Variants in SUMF1 observed in about 807,000 individuals in gnomAD.
The protein encoded by SUMF1 is sulfatase modifying factor 1, also known as formylglycine-generating enzyme.
Under a neutral mutation model 47.6 loss-of-function variants are expected in SUMF1, and 48 were observed. The observed-to-expected ratio is 1.01, with a 90% CI of 0.80 to 1.28. The LOEUF is 1.28. Among genes scored for constraint, SUMF1 ranks in the 50% most tolerant of loss-of-function variants. The pLI, the probability that SUMF1 is intolerant of heterozygous loss-of-function variation, is 0.00. For synonymous variants in SUMF1, 230 were observed against 192.1 expected (o/e 1.20, Z -1.63); for missense variants, 571 against 485.4 (o/e 1.18, Z -1.66).
intron 8 of SUMF1, among the ~76,000 whole-genome samples, chr3:4,203,700 G>A (rs549723364): frequency 2.0e-5 from 3 of 151,634 alleles, no homozygotes; most frequent in African/African-American, 7.2e-5. Context: ...TTTTGTGGAA[G>A]TGGTTTTCTC....
At chr3:4,224,013 G>T (rs1696121756) in intron 8 of SUMF1, among the ~76,000 whole-genome samples, 1 of 152,070 alleles carries the variant, frequency 6.6e-6, no homozygotes, top group African/African-American at 2.4e-5. Context: ...AAGCAAGAAG[G>T]AACAGGAGGG....
At chr3:4,162,527 T>C (rs1694602774) in intron 8 of SUMF1, among the ~76,000 whole-genome samples, 1 of 152,182 alleles carries the variant, frequency 6.6e-6, no homozygotes, top group South Asian at 2.1e-4. Context: ...AGGGCCTGTC[T>C]ATGCTTCCTC....
At chr3:4,418,267 C>T (rs1701782511) in intron 4 of SUMF1, 135 bp from the exon 5 acceptor site, 1 of 1,313,470 alleles carries the variant, frequency 7.6e-7, no homozygotes, top group East Asian at 2.5e-5. Context: ...TAAGTCAAAC[C>T]CCAGCCATGC....
At chr3:4,088,996 G>C (rs762117179) in intron 8 of SUMF1, among the ~76,000 whole-genome samples, 3 of 152,088 alleles carry the variant, frequency 2.0e-5, no homozygotes, top group African/African-American at 4.8e-5. Flanking sequence ...CTCTCAAGGA[G>C]CCCACAGTCC....
chr3:4,092,871 T>C lies in SUMF1; in HGVS notation c.1015-24126A>G, dbSNP rs11920993. On this transcript the variant is annotated intron_variant and NMD_transcript_variant, in intron 8 of 12. Coordinates refer to the SUMF1 transcript ENST00000448413. Reference sequence around the variant, plus strand: ...ATATATAAGAAGGTAAGGCTGATAATAGTCATGGAAGAAATGGTTAGAAAA... The same window carrying C: ...ATATATAAGAAGGTAAGGCTGATAACAGTCATGGAAGAAATGGTTAGAAAA... Among the ~76,000 whole-genome samples the C allele has an allele frequency of 8.3e-3, 1,266 of 152,160 alleles. 25 individuals carry two copies. Among genetic ancestry groups the C allele is most frequent in the African/African-American group, 0.029 (1,217 of 41,482 alleles).
rs147709108 is a variant in SUMF1 at position 4,081,595 on chromosome 3, A to G, written c.1015-12850T>C. Among the ~76,000 whole-genome samples, 968 of 152,240 alleles carry G rather than the reference A, an allele frequency of 6.4e-3. 9 individuals are homozygous for G. Among genetic ancestry groups the G allele is most frequent in the African/African-American group, 0.022 (920 of 41,510 alleles). On this transcript the variant is annotated intron_variant and NMD_transcript_variant, in intron 8 of 12. Coordinates refer to the SUMF1 transcript ENST00000448413. ...ACAGCTGGGCTGTATGGGCTCAAAG[A>G]GTACTTCTGCCACTTCCTAATTAAT...
chr3:4,249,006 C>T (rs1160997380), intron 8 of SUMF1, among the ~76,000 whole-genome samples: 1 of 152,108 alleles, frequency 6.6e-6, no homozygotes, highest in Admixed American at 6.5e-5. Context: ...ATCTTTCGTC[C>T]CCTTCTCCTT....
chr3:4,377,519 G>C (rs184285781), intron 7 of SUMF1, among the ~76,000 whole-genome samples: 224 of 152,320 alleles, frequency 1.5e-3, no homozygotes, highest in African/African-American at 4.9e-3. Context: ...CTCCCACTTA[G>C]AGACAAGAAG....
At chr3:4,460,653 T>C (rs1310085174) in intron 1 of SUMF1, among the ~76,000 whole-genome samples, 1 of 148,210 alleles carries the variant, frequency 6.7e-6, no homozygotes, top group African/African-American at 2.5e-5. Context: ...TATATACATA[T>C]ATATATATAT....
At chr3:4,274,763 G>A (rs779781598) in intron 8 of SUMF1, among the ~76,000 whole-genome samples, 13 of 152,238 alleles carry the variant, frequency 8.5e-5, no homozygotes, top group Admixed American at 2.0e-4. Flanking sequence ...CTTAGGAGAC[G>A]AAAATTCATA....
At chr3:4,093,252 T>C (rs899287399) in intron 8 of SUMF1, among the ~76,000 whole-genome samples, 1 of 152,164 alleles carries the variant, frequency 6.6e-6, no homozygotes, top group Non-Finnish European at 1.5e-5. Context: ...CAAAAAGCTT[T>C]AGTCATAATT....
chr3:4,044,737 G>T (rs1323857870), intron 9 of SUMF1, among the ~76,000 whole-genome samples: 1 of 152,202 alleles, frequency 6.6e-6, no homozygotes, highest in African/African-American at 2.4e-5. Context: ...AATTATTCAT[G>T]ATGAGACTTT....
At position 4,137,935 on chromosome 3, in the gene SUMF1, T is replaced by A. The variant is rs200746773; in HGVS notation, c.1015-69190A>T. 3.4e-3 allele frequency among the ~76,000 whole-genome samples: 476 copies of A among 139,700 alleles called. 4 individuals carry two copies. Among genetic ancestry groups the A allele is most frequent in the African/African-American group, 0.013 (450 of 35,156 alleles). 91.6% of individuals were successfully genotyped at this position (139,700 alleles called of 152,430 possible). ...ATAATACACACACACACACACACAT[T>A]ATTAGAACTAATAAGTGAGTTCAGC... On this transcript the variant is annotated intron_variant and NMD_transcript_variant, in intron 8 of 12. Coordinates refer to the SUMF1 transcript ENST00000448413.
chr3:4,219,018 C>T (rs1376549660), intron 8 of SUMF1, among the ~76,000 whole-genome samples: 2 of 152,066 alleles, frequency 1.3e-5, no homozygotes, highest in African/African-American at 2.4e-5. Flanking sequence ...AAAAACATTC[C>T]GTAAGCTGCT....
chr3:4,376,122 A>C (rs960426340), intron 8 of SUMF1, among the ~76,000 whole-genome samples: 2 of 152,262 alleles, frequency 1.3e-5, no homozygotes, highest in Non-Finnish European at 2.9e-5. Context: ...GGTTGACAAT[A>C]GGTCATTCAC....
chr3:4,058,283 C>T (rs1695223514), intron 9 of SUMF1, among the ~76,000 whole-genome samples: 2 of 152,170 alleles, frequency 1.3e-5, no homozygotes, highest in South Asian at 2.1e-4. Context: ...TGCTCTGCAA[C>T]TCCTTAAGCA....
At chr3:4,326,839 G>C (rs1320962826) in intron 8 of SUMF1, among the ~76,000 whole-genome samples, 4 of 151,960 alleles carry the variant, frequency 2.6e-5, no homozygotes, top group African/African-American at 4.8e-5. Flanking sequence ...GCTTTTATTG[G>C]CTCTCTAACA....
chr3:4,149,158 CTTG>C (rs1694260770), intron 8 of SUMF1, among the ~76,000 whole-genome samples: 1 of 152,050 alleles, frequency 6.6e-6, no homozygotes, highest in South Asian at 2.1e-4. Flanking sequence ...GAGAGGTGTT[CTTG>C]TTGTAGTGTT....
At chr3:4,112,629 C>T (rs1693333641) in intron 8 of SUMF1, among the ~76,000 whole-genome samples, 1 of 152,104 alleles carries the variant, frequency 6.6e-6, no homozygotes, top group Admixed American at 6.5e-5. Flanking sequence ...TTTAGCTAGT[C>T]TGGAGTTACT....
Sources: gnomAD v4.1 joint callset for allele counts (sites outside exome capture counted in the v4.1 genomes callset) on GRCh38, gnomAD v4.1.1 for gene constraint, MANE v1.5 for transcripts, NCBI Gene and HGNC (gene_info 2026-07-23, HGNC 2026-07-21) for gene names.